The following RASAL2 variants were observed in gnomAD, a reference collection of about 807,000 sequenced individuals.
RASAL2 encodes the protein RAS protein activator like 2, also known as ras GTPase-activating protein nGAP.
A neutral mutation model predicts 128.9 loss-of-function variants in RASAL2; 58 were observed. The observed-to-expected ratio is 0.45, with a 90% CI of 0.36 to 0.56. The LOEUF (loss-of-function observed/expected upper bound fraction) is 0.56. RASAL2 is among the 20% of genes least tolerant of loss of function. The probability of loss-of-function intolerance (pLI) is 0.00; values close to 1 mark genes in which losing one functional copy is unlikely to be tolerated. For missense variants in RASAL2, 1,360 were observed against 1,601.6 expected, an observed-to-expected ratio of 0.85 and a Z score of 2.57; for synonymous variants, 561 against 580.8, an observed-to-expected ratio of 0.97 and a Z score of 0.49.
At chr1:178,137,070 G>A (rs187358440) in intron 1 of RASAL2, among the ~76,000 whole-genome samples, 1 of 152,282 alleles carries the variant, frequency 6.6e-6, no homozygotes, top group African/African-American at 2.4e-5. Context: ...CCATTGGAGA[G>A]TTTAAATCCA....
At chr1:178,096,672 A>T (rs1658701226) in intron 1 of RASAL2, among the ~76,000 whole-genome samples, 1 of 151,930 alleles carries the variant, frequency 6.6e-6, no homozygotes, top group Admixed American at 6.6e-5. Flanking sequence ...TGTGTGTGAC[A>T]CACACATATA....
chr1:178,394,110 A>G (rs575739275), intron 4 of RASAL2, among the ~76,000 whole-genome samples: 6 of 152,188 alleles, frequency 3.9e-5, no homozygotes, highest in Non-Finnish European at 7.4e-5. Flanking sequence ...CTGAAACTAG[A>G]TAGAATTCTT....
chr1:178,179,778 CT>C (rs1662023290), intron 1 of RASAL2, among the ~76,000 whole-genome samples: 1 of 152,168 alleles, frequency 6.6e-6, no homozygotes, highest in Non-Finnish European at 1.5e-5. Flanking sequence ...ATGATCTATT[CT>C]TATCACTGTC....
Position 178,373,274 on chromosome 1 carries a change from C to CTT in RASAL2, c.458-16812_458-16811dup, listed in dbSNP as rs60835442. 6.1e-3 allele frequency among the ~76,000 whole-genome samples: 369 copies of CTT among 60,080 alleles called. 32 individuals are homozygous for CTT. Among genetic ancestry groups the CTT allele is most frequent in the African/African-American group, 0.022 (294 of 13,488 alleles). The allele number at this position is 60,080 out of a possible 152,430, so 39.4% of individuals were successfully genotyped here. On this transcript the variant is annotated intron_variant, in intron 3 of 17. Coordinates refer to ENST00000367649, the MANE Select transcript of RASAL2 (RefSeq NM_170692.4). The stretch of plus-strand genomic sequence containing the variant: ...TCAATCTTAGCATTCTGTTTCTTTC[C>CTT]TTTTTTTTTTTTTTTGCAGTTTAGA...
intron 5 of RASAL2, among the ~76,000 whole-genome samples, chr1:178,422,669 A>G (rs1171939359): frequency 6.6e-6 from 1 of 152,110 alleles, no homozygotes; most frequent in Non-Finnish European, 1.5e-5. Context: ...GGTGTGACCA[A>G]GTATTTTCTG....
chr1:178,250,410 C>T (rs538796349), intron 1 of RASAL2, among the ~76,000 whole-genome samples: 362 of 152,324 alleles, frequency 2.4e-3, no homozygotes, highest in Non-Finnish European at 4.2e-3. Flanking sequence ...TCAGCAATGG[C>T]GGACGCCCCA....
chr1:178,356,083 G>T (rs556448757), intron 3 of RASAL2, among the ~76,000 whole-genome samples: 4 of 149,528 alleles, frequency 2.7e-5, no homozygotes, highest in Admixed American at 6.7e-5. Context: ...GCAGAGAATC[G>T]CTTGAACCCG....
At chr1:178,241,946 A>C (rs1233517926) in intron 1 of RASAL2, among the ~76,000 whole-genome samples, 1 of 152,108 alleles carries the variant, frequency 6.6e-6, no homozygotes, top group African/African-American at 2.4e-5. Context: ...TCTTCAATTC[A>C]ATTTTTTGCT....
At position 178,466,015 on chromosome 1, in the gene RASAL2, G is replaced by A. The variant is rs149280213; in HGVS notation, c.3483G>A (p.Gln1161=). Residue 1161 remains glutamine, a synonymous_variant, in exon 16 of 18, where the codon CAG becomes CAA. Transcript: ENST00000367649. The part of the protein sequence containing the change: ...YERRLLVQEQ[Q]MQKLLLEYKA... ...GCCGCTTGCTGGTGCAGGAGCAGCA[G>A]ATGCAGAAGCTGCTGCTGGAATACA... 20 of 1,570,564 alleles carry A rather than the reference G, an allele frequency of 1.3e-5. No individual in the cohort carries two copies. The African/African-American group carries it at 2.4e-4, about 19-fold the overall frequency.
chr1:178,326,395 A>T (rs757318407), intron 3 of RASAL2, among the ~76,000 whole-genome samples: 1 of 152,040 alleles, frequency 6.6e-6, no homozygotes, highest in Non-Finnish European at 1.5e-5. Context: ...ATGTTTTTAG[A>T]CTCTAAGAAG....
intron 1 of RASAL2, among the ~76,000 whole-genome samples, chr1:178,130,910 C>T (rs316264): frequency 3.3e-5 from 5 of 151,610 alleles, no homozygotes; most frequent in Non-Finnish European, 7.4e-5. Context: ...AAAAATTAGC[C>T]GGGCGCGGTG....
At chr1:178,438,367 A>AT (rs1204166051) in intron 5 of RASAL2, among the ~76,000 whole-genome samples, 1 of 152,044 alleles carries the variant, frequency 6.6e-6, no homozygotes, top group Non-Finnish European at 1.5e-5. Flanking sequence ...GAAGCTACTT[A>AT]TTTAATGTGT....
intron 3 of RASAL2, among the ~76,000 whole-genome samples, chr1:178,319,603 G>T (rs1233051793): frequency 2.7e-5 from 4 of 147,398 alleles, no homozygotes; most frequent in Non-Finnish European, 5.9e-5. Flanking sequence ...TGAGGCTTCT[G>T]CATTCTTCAC....
At chr1:178,420,739 C>A (rs1675092477) in intron 5 of RASAL2, 119 bp downstream of exon 5, 2 of 737,466 alleles carry the variant, frequency 2.7e-6, no homozygotes, top group African/African-American at 1.8e-5. Context: ...AAAAAATTGA[C>A]TTTTATGTCG....
intron 3 of RASAL2, among the ~76,000 whole-genome samples, chr1:178,388,804 G>T (rs892289086): frequency 6.6e-6 from 1 of 152,170 alleles, no homozygotes; most frequent in Admixed American, 6.5e-5. Context: ...GTTTTTTCTT[G>T]CTGCAGATTA....
At chr1:178,222,946 A>T (rs1663661546) in intron 1 of RASAL2, among the ~76,000 whole-genome samples, 1 of 152,102 alleles carries the variant, frequency 6.6e-6, no homozygotes, top group Non-Finnish European at 1.5e-5. Flanking sequence ...GAAACAAAAA[A>T]TTACTTGGTA....
At chr1:178,103,988 C>CT (rs369165714) in intron 1 of RASAL2, among the ~76,000 whole-genome samples, 1 of 151,198 alleles carries the variant, frequency 6.6e-6, no homozygotes, top group Non-Finnish European at 1.5e-5. Context: ...AAAGCCCATT[C>CT]TTTTTTTTTC....
chr1:178,391,684 A>G (rs1158937901), intron 4 of RASAL2, among the ~76,000 whole-genome samples: 1 of 152,226 alleles, frequency 6.6e-6, no homozygotes, highest in Non-Finnish European at 1.5e-5. Context: ...AAGGAGTCAG[A>G]CTTTGAGATA....
chr1:178,299,893 TAC>T, intron 2 of RASAL2, 97 bp from the exon 3 acceptor site: 2 of 1,254,864 alleles, frequency 1.6e-6, no homozygotes, highest in Non-Finnish European at 2.2e-6. Context: ...TACTCTTTGT[TAC>T]ACACTCCTGT....
Sources: allele counts gnomAD v4.1 joint callset (sites outside exome capture counted in the v4.1 genomes callset), GRCh38; gene constraint gnomAD v4.1.1; transcripts MANE v1.5; gene names NCBI Gene and HGNC (gene_info 2026-07-23, HGNC 2026-07-21).